AGAP2: variants seen among roughly 807,000 people sequenced by gnomAD.
AGAP2 encodes arf-GAP with GTPase, ANK repeat and PH domain-containing protein 2.
AGAP2 carries 32 observed loss-of-function variants against 110.9 expected under a neutral mutation model. That is an observed-to-expected ratio of 0.29 (90% CI 0.22 to 0.39). The LOEUF (loss-of-function observed/expected upper bound fraction) is 0.39. Ranked by LOEUF, AGAP2 falls within the 10% of genes least tolerant of loss-of-function variation. The pLI is 1.00. For synonymous variants in AGAP2, 702 were observed against 713.0 expected (o/e 0.98, Z 0.25); for missense variants, 1,285 against 1,638.5 (o/e 0.78, Z 3.72).
Position 57,732,596 on chromosome 12 carries a change from T to C in AGAP2, c.1685-84A>G, listed in dbSNP as rs1447853696. On this transcript the variant is annotated intron_variant, in intron 6 of 18. Coordinates refer to ENST00000547588, the MANE Select transcript of AGAP2 (RefSeq NM_001122772.3). ...ATGCCCAGCTTTGAGAAATCCCCAGTAGACAACACAGGACCCAACTTCCTT... is the reference window on the plus strand; with the variant it reads ...ATGCCCAGCTTTGAGAAATCCCCAGCAGACAACACAGGACCCAACTTCCTT... The C allele has an allele frequency of 5.1e-6, 7 of 1,369,724 alleles. No individual in the cohort carries two copies. The African/African-American group carries it at 7.2e-5, about 14-fold the overall frequency. 84.8% of individuals were successfully genotyped at this position (1,369,724 alleles called of 1,614,324 possible).
Position 57,727,492 on chromosome 12 carries a change from A to C in AGAP2, c.2948T>G (p.Val983Gly). ...HRNLGTHLSR[V>G]RSLDLDDWPR... ...CCAGTCGTCCAAGTCCAGCGAGCGA[A>C]CGCGGGACAGGTGTGTGCCCAGGTT... Residue 983 changes from valine (V) to glycine (G), a missense_variant, in exon 17 of 19, where the codon GTT (valine) becomes GGT (glycine). Coordinates refer to ENST00000547588, the MANE Select transcript of AGAP2 (RefSeq NM_001122772.3). The C allele has an allele frequency of 6.2e-7, 1 of 1,612,098 alleles. No homozygotes were observed. The highest frequency in any genetic ancestry group is 8.5e-7 in the Non-Finnish European group (1 of 1,179,432).
In AGAP2 at chr12:57,726,253, C is replaced by G. The variant is rs1186239310; in HGVS notation, c.*299G>C. ...CGGGCATGTCCAAGCGCCTAGGAGC[C>G]CGTACCGCTGGGGACCTCCCCTTCC... On this transcript the variant is annotated 3_prime_UTR_variant, in exon 19 of 19. Transcript: ENST00000547588. This position sits in a 1 kb window ranked among gnomAD's most constrained non-coding sequence, Gnocchi z 5.7. 2 of 198,400 alleles carry G rather than the reference C, an allele frequency of 1.0e-5. No homozygotes were observed. Among genetic ancestry groups the G allele is most frequent in the East Asian group, 2.3e-4 (2 of 8,684 alleles). The allele number at this position is 198,400 out of a possible 1,614,324, so 12.3% of individuals were successfully genotyped here. A position where few individuals can be genotyped will look rare whatever the true frequency, so the allele number is the denominator to read the frequency against.
chr12:57,737,535 C>G lies in AGAP2; in HGVS notation c.712G>C (p.Ala238Pro). 7 of 1,560,718 alleles carry G rather than the reference C, an allele frequency of 4.5e-6. No homozygotes were observed. Among genetic ancestry groups the G allele is most frequent in the Non-Finnish European group, 4.3e-6 (5 of 1,153,016 alleles). Residue 238 changes from alanine (A) to proline (P), a missense_variant, in exon 1 of 19, where the codon GCC becomes CCC. Physicochemically the swap from Ala to Pro is conservative, Grantham distance 27 (BLOSUM62 -1). Coordinates refer to ENST00000547588, the MANE Select transcript of AGAP2 (RefSeq NM_001122772.3). This position sits in a 1 kb window ranked among gnomAD's most constrained non-coding sequence, Gnocchi z 5.9. ...AGTGASVSAAATAAAAGGGGS... is the reference protein window; with the variant it reads ...AGTGASVSAAPTAAAAGGGGS... Reference sequence around the variant, plus strand: ...CCTCCCCCGGCGGCGGCGGCGGTGGCGGCGGCAGAGACCGAAGCTCCAGTC... The same window carrying G: ...CCTCCCCCGGCGGCGGCGGCGGTGGGGGCGGCAGAGACCGAAGCTCCAGTC...
At chr12:57,736,074 G>A (rs531077254) in intron 1 of AGAP2, among the ~76,000 whole-genome samples, 1 of 152,294 alleles carries the variant, frequency 6.6e-6, no homozygotes, top group East Asian at 1.9e-4. Flanking sequence ...CACAGGCCCG[G>A]GGGAAAGGAT....
chr12:57,728,918 G>A (rs1339614588), intron 13 of AGAP2, among the ~76,000 whole-genome samples: 2 of 152,150 alleles, frequency 1.3e-5, no homozygotes, highest in Non-Finnish European at 2.9e-5. Flanking sequence ...CCCACCGCCT[G>A]TAATCCCAGC....
chr12:57,738,255 G>A lies in AGAP2; in HGVS notation c.-9C>T. On this transcript the variant is annotated 5_prime_UTR_variant, in exon 1 of 19. Transcript: ENST00000547588. The surrounding 1 kb of genome is among the most constrained non-coding windows in gnomAD (Gnocchi z 6.7). ...CCCGCGCCCCGGCTCATGGGGCCCG[G>A]AGACCCCCGAGCTGGGGAGGGGAGG... 1 of 1,506,912 alleles carries A rather than the reference G, an allele frequency of 6.6e-7. No individual in the cohort carries two copies. Among genetic ancestry groups the A allele is most frequent in the Non-Finnish European group, 8.8e-7 (1 of 1,132,782 alleles). 93.3% of individuals were successfully genotyped at this position (1,506,912 alleles called of 1,614,324 possible).
At chr12:57,728,446 G>C (rs1490186114) in intron 13 of AGAP2, 69 bp from the exon 14 acceptor site, 3 of 1,535,886 alleles carry the variant, frequency 2.0e-6, no homozygotes, top group Non-Finnish European at 2.7e-6. Context: ...GACCAAGAAA[G>C]AAGGAGAAAA....
chr12:57,728,463 G>A, intron 13 of AGAP2, 86 bp from the exon 14 acceptor site: 1 of 1,382,998 alleles, frequency 7.2e-7, no homozygotes, highest in Non-Finnish European at 1.0e-6. Flanking sequence ...AAAAAGACAG[G>A]TAGATGGAGA....
chr12:57,733,037 C>T (rs1954916573), intron 5 of AGAP2, 58 bp from the exon 6 acceptor site: 1 of 1,606,890 alleles, frequency 6.2e-7, no homozygotes, highest in Non-Finnish European at 8.5e-7. Context: ...TTCGATTTTT[C>T]ACAATTCCCT....
At chr12:57,734,229 C>A in intron 4 of AGAP2, 56 bp from the exon 5 acceptor site, 1 of 1,610,198 alleles carries the variant, frequency 6.2e-7, no homozygotes, top group African/African-American at 1.3e-5. Context: ...CCTCTGGACC[C>A]AATCCAGATG....
chr12:57,726,569 G>T lies in AGAP2; in HGVS notation c.3562C>A (p.Pro1188Thr). 1 of 1,209,362 alleles carries T rather than the reference G, an allele frequency of 8.3e-7. No individual in the cohort carries two copies. Among genetic ancestry groups the T allele is most frequent in the Non-Finnish European group, 1.0e-6 (1 of 972,604 alleles). The allele number at this position is 1,209,362 out of a possible 1,614,324, so 74.9% of individuals were successfully genotyped here. A position where few individuals can be genotyped will look rare whatever the true frequency, so the allele number is the denominator to read the frequency against. ...CTGGGCAACTATACCAGCGCAACCG[G>T]GGCGTCGGCGCGGCCCACGCTAGCG... ...SAASVGRADA[P>T]VALV is the part of the protein sequence containing the mutation. Residue 1188 changes from proline to threonine, a missense_variant, in exon 19 of 19, where the codon CCG becomes ACG. Pro to Thr is a conservative substitution (Grantham distance 38, BLOSUM62 -1). Around this residue, in one of 7 missense-constraint regions of AGAP2, gnomAD observed 201 missense variants for 276.1 expected, o/e 0.73. Transcript: ENST00000547588. The surrounding 1 kb of genome is among the most constrained non-coding windows in gnomAD (Gnocchi z 5.7).
At position 57,726,442 on chromosome 12, in the gene AGAP2, TG is replaced by T; in HGVS notation, c.*109del. The T allele has an allele frequency of 1.9e-6, 2 of 1,069,706 alleles. No individual in the cohort carries two copies. Among genetic ancestry groups the T allele is most frequent in the Non-Finnish European group, 2.3e-6 (2 of 869,346 alleles). 66.3% of individuals were successfully genotyped at this position (1,069,706 alleles called of 1,614,324 possible). On this transcript the variant is annotated 3_prime_UTR_variant, in exon 19 of 19. Coordinates refer to ENST00000547588, the MANE Select transcript of AGAP2 (RefSeq NM_001122772.3). The surrounding 1 kb of genome is among the most constrained non-coding windows in gnomAD (Gnocchi z 5.7). The stretch of plus-strand genomic sequence containing the variant: ...CTCGTGGGGGTAGGAAGTGCTCCCG[TG>T]GGGCGGGGTGCGGATCGGAGAGGTG...
Position 57,735,373 on chromosome 12 carries a change from C to A in AGAP2, c.1223G>T (p.Arg408Leu), listed in dbSNP as rs1204093082. Residue 408 changes from arginine to leucine, a missense_variant, in exon 2 of 19, where the codon CGC (arginine) becomes CTC (leucine). This residue lies in a region of AGAP2 where 844 missense variants were observed against 941.2 expected (regional missense o/e 0.90). Transcript: ENST00000547588. ...WTLSRSIPEL[R>L]LGVLGDARSG... ...CAAGGGGACTGGGTTACCTACCAGG[C>A]GCAGTTCAGGAATGGAGCGGCTCAA... The A allele has an allele frequency of 6.2e-7, 1 of 1,613,752 alleles. No individual in the cohort carries two copies. Among genetic ancestry groups the A allele is most frequent in the East Asian group, 2.2e-5 (1 of 44,882 alleles).
rs891791698 is a variant in AGAP2, at chr12:57,738,567, G to A, written c.-321C>T. On this transcript the variant is annotated 5_prime_UTR_variant, in exon 1 of 19. Transcript: ENST00000547588. This position sits in a 1 kb window ranked among gnomAD's most constrained non-coding sequence, Gnocchi z 6.7. ...CGCTGAGATGGGTGGGGGAGGGCGG[G>A]GAGGACAGTAGTGGGGGCAAATGGG... Among the ~76,000 whole-genome samples, 3 of 151,932 alleles carry A rather than the reference G, an allele frequency of 2.0e-5. No homozygotes were observed. Among genetic ancestry groups the A allele is most frequent in the African/African-American group, 7.3e-5 (3 of 41,372 alleles).
chr12:57,737,815 C>T lies in AGAP2; in HGVS notation c.432G>A (p.Leu144=), dbSNP rs1299787470. The change falls in exon 1 of 19, where the codon CTG becomes CTA. Residue 144 remains leucine, a synonymous_variant. Transcript: ENST00000547588. This position sits in a 1 kb window ranked among gnomAD's most constrained non-coding sequence, Gnocchi z 5.9. ...GGCCGCCCCAGCTCGGGCTGCTGAG[C>T]AGGGGGCGCCGGGAGGAGGTGGGGG... ...GGAPTSSRRP[L]LSSPSWGGPE... 4 of 1,505,540 alleles carry T rather than the reference C, an allele frequency of 2.7e-6. No individual in the cohort carries two copies. The highest frequency in any genetic ancestry group is 3.5e-6 in the Non-Finnish European group (4 of 1,136,432). 93.3% of individuals were successfully genotyped at this position (1,505,540 alleles called of 1,614,324 possible). A position where few individuals can be genotyped will look rare whatever the true frequency, so the allele number is the denominator to read the frequency against.
chr12:57,731,943 C>T lies in AGAP2; in HGVS notation c.1819G>A (p.Asp607Asn), dbSNP rs1266441047. 10 of 1,613,676 alleles carry T rather than the reference C, an allele frequency of 6.2e-6. No homozygotes were observed. Among genetic ancestry groups the T allele is most frequent in the Non-Finnish European group, 8.5e-6 (10 of 1,179,974 alleles). Residue 607 changes from aspartate (D) to asparagine (N), a missense_variant, in exon 8 of 19, where the codon GAC becomes AAC. Asp to Asn is a conservative substitution (Grantham distance 23). This residue lies in a region of AGAP2 where 844 missense variants were observed against 941.2 expected (regional missense o/e 0.90). Coordinates refer to ENST00000547588, the MANE Select transcript of AGAP2 (RefSeq NM_001122772.3). ...GAGGACGGGAGGGAAGAAGAGTAGT[C>T]GCTAGTGTGGCCCCCGTTACTAGCC... ...GQASNGGHTS[D>N]YSSSLPSSPN... is the part of the protein sequence containing the mutation.
Position 57,726,747 on chromosome 12 carries a change from C to G in AGAP2, c.3384G>C (p.Leu1128=). 2.3e-6 allele frequency: 3 copies of G among 1,316,874 alleles called. No homozygotes were observed. The highest frequency in any genetic ancestry group is 2.9e-6 in the Non-Finnish European group (3 of 1,035,962). The allele number at this position is 1,316,874 out of a possible 1,614,324, so 81.6% of individuals were successfully genotyped here. A position where few individuals can be genotyped will look rare whatever the true frequency, so the allele number is the denominator to read the frequency against. ...GGCTTCCAGCCTGGCGGGCGTAGAA[C>G]AGCGCCGTGCGGCCCTGGGCGTCAC... ...AARDAQGRTA[L]FYARQAGSQL... The change falls in exon 19 of 19, where the codon CTG becomes CTC. Residue 1128 remains leucine, a synonymous_variant. Coordinates refer to ENST00000547588, the MANE Select transcript of AGAP2 (RefSeq NM_001122772.3). This position sits in a 1 kb window ranked among gnomAD's most constrained non-coding sequence, Gnocchi z 5.7.
Position 57,727,057 on chromosome 12 carries a change from T to A in AGAP2, c.3253A>T (p.Ser1085Cys), listed in dbSNP as rs767475471. ...AHARHGPLDT[S>C]VEDPQLRSPL... is the part of the protein sequence containing the mutation. ...GAGCGCAGCTGTGGGTCCTCTACGC[T>A]GGTGTCGAGCGGCCCGTGTCGCGCA... Residue 1085 changes from serine to cysteine, a missense_variant, in exon 18 of 19, where the codon AGC becomes TGC. Around this residue, in one of 7 missense-constraint regions of AGAP2, gnomAD observed 201 missense variants for 276.1 expected, o/e 0.73. Coordinates refer to ENST00000547588, the MANE Select transcript of AGAP2 (RefSeq NM_001122772.3). The A allele has an allele frequency of 6.2e-7, 1 of 1,603,688 alleles. No homozygotes were observed. The highest frequency in any genetic ancestry group is 8.5e-7 in the Non-Finnish European group (1 of 1,175,972).
At position 57,738,556 on chromosome 12, in the gene AGAP2, G is replaced by A. The variant is rs1750733500; in HGVS notation, c.-310C>T. ...CTGGGTGGGGGCGCTGAGATGGGTG[G>A]GGGAGGGCGGGGAGGACAGTAGTGG... On this transcript the variant is annotated 5_prime_UTR_variant, in exon 1 of 19. Transcript: ENST00000547588. This position sits in a 1 kb window ranked among gnomAD's most constrained non-coding sequence, Gnocchi z 6.7. Among the ~76,000 whole-genome samples the A allele has an allele frequency of 6.6e-6, 1 of 151,890 alleles. No individual in the cohort carries two copies. Among genetic ancestry groups the A allele is most frequent in the Non-Finnish European group, 1.5e-5 (1 of 67,890 alleles).
Sources: allele counts gnomAD v4.1 joint callset (sites outside exome capture counted in the v4.1 genomes callset), GRCh38; gene constraint gnomAD v4.1.1; regional missense constraint gnomAD v4.1.1; non-coding constraint Gnocchi (gnomAD v3.1); transcripts MANE v1.5; gene names NCBI Gene and HGNC (gene_info 2026-07-23, HGNC 2026-07-21).